EBF1: variants seen among roughly 807,000 people sequenced by gnomAD.
EBF1 encodes transcription factor COE1.
In EBF1, 10 loss-of-function variants were observed where a neutral mutation model predicts 68.4. That is an observed-to-expected ratio of 0.15 (90% CI 0.09 to 0.25). The LOEUF is 0.25. Ranked by LOEUF, EBF1 falls within the 10% of genes least tolerant of loss-of-function variation. EBF1 has a pLI of 1.00. For missense variants in EBF1, 509 were observed against 794.4 expected (o/e 0.64, Z 4.32); for synonymous variants, 298 against 299.8 (o/e 0.99, Z 0.06).
At chr5:159,044,438 T>C (rs1008907951) in intron 6 of EBF1, among the ~76,000 whole-genome samples, 1 of 152,122 alleles carries the variant, frequency 6.6e-6, no homozygotes, top group Admixed American at 6.6e-5. Flanking sequence ...AAACCAAAAC[T>C]ATAAAGTGTG....
chr5:158,720,299 G>A (rs959640997), intron 11 of EBF1, among the ~76,000 whole-genome samples: 25 of 152,240 alleles, frequency 1.6e-4, no homozygotes, highest in African/African-American at 5.1e-4. Context: ...TGGAAAGGCC[G>A]AATGCTGAGA....
chr5:158,863,375 A>G (rs915911174), intron 6 of EBF1, among the ~76,000 whole-genome samples: 15 of 152,192 alleles, frequency 9.9e-5, no homozygotes, highest in African/African-American at 2.7e-4. Flanking sequence ...CATCTGTCAC[A>G]TTGCTCTATG....
At chr5:158,712,937 G>T (rs760969694) in intron 13 of EBF1, 33 bp downstream of exon 13, 2 of 1,404,644 alleles carry the variant, frequency 1.4e-6, no homozygotes, top group Non-Finnish European at 1.9e-6. Context: ...GGTGCTTAAG[G>T]TTGGGGAGGG....
chr5:158,976,318 T>A (rs1213913203), intron 6 of EBF1, among the ~76,000 whole-genome samples: 1 of 152,142 alleles, frequency 6.6e-6, no homozygotes, highest in Non-Finnish European at 1.5e-5. Flanking sequence ...AGAATGGATT[T>A]CTTTGTTGGG....
At chr5:158,893,902 C>T (rs1277597574) in intron 6 of EBF1, among the ~76,000 whole-genome samples, 1 of 152,112 alleles carries the variant, frequency 6.6e-6, no homozygotes, top group African/African-American at 2.4e-5. Flanking sequence ...CAAAATGGTT[C>T]TTGTGTTCCA....
intron 10 of EBF1, among the ~76,000 whole-genome samples, chr5:158,758,238 G>T (rs529721512): frequency 2.2e-4 from 33 of 152,268 alleles, no homozygotes; most frequent in Non-Finnish European, 3.2e-4. Flanking sequence ...CATCTACTGG[G>T]TACTGCTGAA....
chr5:159,073,321 C>T (rs1204154631), intron 6 of EBF1, 75 bp downstream of exon 6: 4 of 1,509,948 alleles, frequency 2.6e-6, no homozygotes, highest in South Asian at 2.3e-5. Context: ...CTAACCCTCG[C>T]CCATGAGCAA....
At chr5:159,047,740 C>A (rs934112300) in intron 6 of EBF1, among the ~76,000 whole-genome samples, 2 of 152,144 alleles carry the variant, frequency 1.3e-5, no homozygotes, top group Non-Finnish European at 2.9e-5. Context: ...AGCCCCAACC[C>A]TTTTGTACCC....
intron 9 of EBF1, 100 bp downstream of exon 9, chr5:158,796,245 C>T (rs1025853635): frequency 3.8e-5 from 47 of 1,246,566 alleles, no homozygotes; most frequent in Middle Eastern, 2.3e-4. Context: ...CCACCCAGAG[C>T]GGCACCACTA....
At chr5:159,084,128 A>T (rs531173643) in intron 5 of EBF1, among the ~76,000 whole-genome samples, 42 of 152,198 alleles carry the variant, frequency 2.8e-4, no homozygotes, top group African/African-American at 9.6e-4. Context: ...ACATTGTCAG[A>T]GTTATATATA....
chr5:158,698,988 G>T lies in EBF1; in HGVS notation c.*123C>A. The T allele has an allele frequency of 1.2e-6, 1 of 836,708 alleles. No individual in the cohort carries two copies. Among genetic ancestry groups the T allele is most frequent in the Non-Finnish European group, 1.8e-6 (1 of 561,058 alleles). 51.8% of individuals were successfully genotyped at this position (836,708 alleles called of 1,614,324 possible). A position where few individuals can be genotyped will look rare whatever the true frequency, so the allele number is the denominator to read the frequency against. On this transcript the variant is annotated 3_prime_UTR_variant, in exon 16 of 16. Coordinates refer to ENST00000313708, the MANE Select transcript of EBF1 (RefSeq NM_024007.5). ...GGTGATTTTGTTTGTTTAAAAATCT[G>T]CAGTTATTGTGATTCCTCTTAAAAA...
At chr5:158,773,936 G>A (rs1774469661) in intron 10 of EBF1, among the ~76,000 whole-genome samples, 1 of 152,162 alleles carries the variant, frequency 6.6e-6, no homozygotes, top group Non-Finnish European at 1.5e-5. Flanking sequence ...GACCAGAAAC[G>A]ATAATAGGGC....
intron 6 of EBF1, among the ~76,000 whole-genome samples, chr5:158,909,233 C>T (rs781350279): frequency 6.6e-6 from 1 of 151,984 alleles, no homozygotes; most frequent in South Asian, 2.1e-4. Flanking sequence ...TCTGGTGGAA[C>T]GGCAACATAT....
intron 6 of EBF1, among the ~76,000 whole-genome samples, chr5:158,908,037 C>T (rs1268263069): frequency 1.3e-5 from 2 of 152,208 alleles, no homozygotes; most frequent in African/African-American, 2.4e-5. Flanking sequence ...CCCAACACCC[C>T]ACCACCGAGT....
intron 15 of EBF1, among the ~76,000 whole-genome samples, chr5:158,700,596 C>A (rs1756526153): frequency 6.6e-6 from 1 of 151,528 alleles, no homozygotes; most frequent in Admixed American, 6.6e-5. Context: ...AGCCCCAAGA[C>A]CCCCACGTTC....
chr5:158,785,895 T>G (rs545223485), intron 9 of EBF1, among the ~76,000 whole-genome samples: 6 of 152,216 alleles, frequency 3.9e-5, no homozygotes, highest in Non-Finnish European at 5.9e-5. Context: ...TCATTGTCCG[T>G]GTCCCCCTAA....
chr5:158,969,924 A>AAAGAAAGAAAGAAAGAAAG (rs1755259231), intron 6 of EBF1, among the ~76,000 whole-genome samples: 1 of 115,938 alleles, frequency 8.6e-6, no homozygotes, highest in South Asian at 2.9e-4. Context: ...AAGAAAAAAA[A>AAAGAAAGAAAGAAAGAAAG]AAAAAAGGCT....
intron 6 of EBF1, among the ~76,000 whole-genome samples, chr5:159,016,786 C>T (rs540772152): frequency 2.0e-5 from 3 of 152,300 alleles, no homozygotes; most frequent in East Asian, 1.9e-4. Context: ...AAAACTGACC[C>T]GGCTGGAGGG....
At chr5:158,868,143 T>G (rs1455555224) in intron 6 of EBF1, among the ~76,000 whole-genome samples, 3 of 152,086 alleles carry the variant, frequency 2.0e-5, no homozygotes, top group Non-Finnish European at 2.9e-5. Flanking sequence ...ATTTTTTTTT[T>G]GCCATATTCT....
Sources: allele counts gnomAD v4.1 joint callset (sites outside exome capture counted in the v4.1 genomes callset), GRCh38; gene constraint gnomAD v4.1.1; transcripts MANE v1.5; gene names NCBI Gene and HGNC (gene_info 2026-07-23, HGNC 2026-07-21).